The following HIVEP1 variants were observed in gnomAD, a reference collection of about 807,000 sequenced individuals.
HIVEP1 encodes the protein zinc finger protein 40.
HIVEP1 carries 36 observed loss-of-function variants against 180.0 expected under a neutral mutation model. That is an observed-to-expected ratio of 0.20 (90% CI 0.15 to 0.26). HIVEP1 has a LOEUF of 0.26. HIVEP1 is among the 10% of genes least tolerant of loss of function. The pLI is 1.00. For missense variants in HIVEP1, 3,143 were observed against 3,268.7 expected (o/e 0.96, Z 0.94); for synonymous variants, 1,239 against 1,239.0 (o/e 1.00, Z 0.00).
chr6:12,168,238 TATTA>T (rs1289941652), downstream of HIVEP1, among the ~76,000 whole-genome samples: 2 of 121,520 alleles, frequency 1.6e-5, no homozygotes, highest in Admixed American at 9.0e-5. Flanking sequence ...TATACATATA[TATTA>T]TATATACAGA....
At chr6:12,099,658 A>T (rs970720263) in intron 3 of HIVEP1, among the ~76,000 whole-genome samples, 1 of 151,376 alleles carries the variant, frequency 6.6e-6, no homozygotes, top group Non-Finnish European at 1.5e-5. Context: ...CTTCCCCTAT[A>T]CAGTTTTGCC....
the HIVEP1 span, among the ~76,000 whole-genome samples, chr6:12,172,854 A>G: frequency 6.9e-6 from 1 of 144,878 alleles, no homozygotes; most frequent in Non-Finnish European, 1.5e-5. Flanking sequence ...ATTGGGTTGT[A>G]TTGTATTCAT....
intron 2 of HIVEP1, among the ~76,000 whole-genome samples, chr6:12,071,058 C>G (rs1463696666): frequency 2.0e-5 from 3 of 152,220 alleles, no homozygotes; most frequent in Non-Finnish European, 4.4e-5. Context: ...CTATAGTGTT[C>G]TGTTCCAGCA....
chr6:12,012,851 G>A (rs1019171936), intron 1 of HIVEP1: 2 of 153,358 alleles, frequency 1.3e-5, no homozygotes, highest in African/African-American at 2.4e-5. Context: ...GCAAGAGGGT[G>A]GGGGGTGAAA....
intron 2 of HIVEP1, among the ~76,000 whole-genome samples, chr6:12,048,987 C>T (rs753971269): frequency 1.3e-5 from 2 of 152,012 alleles, no homozygotes; most frequent in Non-Finnish European, 2.9e-5. Flanking sequence ...ACTCATTGGG[C>T]ATTATGATGA....
intron 2 of HIVEP1, among the ~76,000 whole-genome samples, chr6:12,078,672 TACAC>T (rs1217123857): frequency 7.8e-6 from 1 of 128,786 alleles, no homozygotes; most frequent in African/African-American, 2.6e-5. Flanking sequence ...TACATATATA[TACAC>T]ACACTATACA....
chr6:12,144,587 A>G (rs1561997175), intron 7 of HIVEP1, among the ~76,000 whole-genome samples: 2 of 152,238 alleles, frequency 1.3e-5, no homozygotes, highest in Non-Finnish European at 1.5e-5. Context: ...TGAACAGGCA[A>G]CCTATGGAAT....
chr6:12,015,953 A>G (rs1214635149), intron 2 of HIVEP1, among the ~76,000 whole-genome samples: 1 of 152,256 alleles, frequency 6.6e-6, no homozygotes, highest in Non-Finnish European at 1.5e-5. Context: ...AATAGGAACC[A>G]TATTTGGGTC....
chr6:12,107,108 G>C (rs531179020), intron 3 of HIVEP1, among the ~76,000 whole-genome samples: 4 of 152,312 alleles, frequency 2.6e-5, no homozygotes, highest in African/African-American at 4.8e-5. Flanking sequence ...ACTGTACCTA[G>C]TGCTCCTTGA....
chr6:12,125,396 A>C lies in HIVEP1; in HGVS notation c.5601A>C (p.Leu1867Phe). The C allele has an allele frequency of 6.2e-7, 1 of 1,614,068 alleles. No homozygotes were observed. Among genetic ancestry groups the C allele is most frequent in the East Asian group, 2.2e-5 (1 of 44,884 alleles). Reference sequence around the variant, plus strand: ...AAAACATCAAGTCATCCACATCATTAACTCTTACAGTTCGAAGTTCACCTG... The same window carrying C: ...AAAACATCAAGTCATCCACATCATTCACTCTTACAGTTCGAAGTTCACCTG... ...EFENIKSSTS[L>F]TLTVRSSPAP... Residue 1867 changes from leucine to phenylalanine, a missense_variant, in exon 4 of 9, where the codon TTA (leucine) becomes TTC (phenylalanine). By Grantham distance (22) the Leu-to-Phe change is conservative. Transcript: ENST00000379388.
intron 1 of HIVEP1, among the ~76,000 whole-genome samples, chr6:12,013,824 T>A (rs1767561216): frequency 4.1e-5 from 1 of 24,382 alleles, no homozygotes; most frequent in Non-Finnish European, 1.3e-4. Flanking sequence ...AGACCATCAT[T>A]TTTTTTTGTA....
intron 2 of HIVEP1, among the ~76,000 whole-genome samples, chr6:12,079,934 A>ATCTATCTG (rs1772656589): frequency 3.6e-5 from 1 of 27,852 alleles, no homozygotes; most frequent in South Asian, 1.5e-3. Context: ...TCCTGATGGC[A>ATCTATCTG]TCTATCTATC....
At chr6:12,167,683 T>C (rs990202067), downstream of HIVEP1, among the ~76,000 whole-genome samples, 75 of 104,090 alleles carry the variant, frequency 7.2e-4, 3 homozygotes, top group Non-Finnish European at 1.2e-3. Context: ...CATATATGTG[T>C]ATAATATATA....
intron 2 of HIVEP1, among the ~76,000 whole-genome samples, chr6:12,028,550 T>A (rs1424656157): frequency 1.3e-5 from 2 of 152,266 alleles, no homozygotes; most frequent in Non-Finnish European, 2.9e-5. Flanking sequence ...TGATGAGTTA[T>A]ATATTCAGCA....
the HIVEP1 span, among the ~76,000 whole-genome samples, chr6:12,179,124 G>A: frequency 6.6e-6 from 1 of 152,194 alleles, no homozygotes; most frequent in Non-Finnish European, 1.5e-5. Context: ...AGCTCTGGAC[G>A]TCCCTGGAGA....
chr6:12,136,312 A>T (rs1758702097), intron 7 of HIVEP1, among the ~76,000 whole-genome samples: 1 of 151,592 alleles, frequency 6.6e-6, no homozygotes, highest in African/African-American at 2.4e-5. Flanking sequence ...TCACCTTTAC[A>T]CCCCTCACTT....
chr6:12,024,862 C>T (rs1045728592), intron 2 of HIVEP1, among the ~76,000 whole-genome samples: 8 of 152,232 alleles, frequency 5.3e-5, no homozygotes, highest in East Asian at 1.9e-4. Context: ...ACACATTTTA[C>T]AGCAGGAAGG....
intron 2 of HIVEP1, among the ~76,000 whole-genome samples, chr6:12,081,773 G>T (rs77514992): frequency 6.6e-6 from 1 of 151,860 alleles, no homozygotes; most frequent in South Asian, 2.1e-4. Flanking sequence ...CTGCTCCTTC[G>T]CAGTTCACTC....
In HIVEP1 at chr6:12,123,482, G is replaced by T; in HGVS notation, c.3687G>T (p.Gln1229His). 1 of 1,614,138 alleles carries T rather than the reference G, an allele frequency of 6.2e-7. No individual in the cohort carries two copies. The highest frequency in any genetic ancestry group is 1.1e-5 in the South Asian group (1 of 91,076). Residue 1229 changes from glutamine to histidine, a missense_variant, in exon 4 of 9, where the codon CAG becomes CAT. Gln to His is a conservative substitution (Grantham distance 24). Around this residue, in one of 12 missense-constraint regions of HIVEP1, gnomAD observed 1,357 missense variants for 1,260.5 expected, o/e 1.08. Coordinates refer to ENST00000379388, the MANE Select transcript of HIVEP1 (RefSeq NM_002114.4). ...VLGQPSRLVRQHNIQVPEILV... is the reference protein window; with the variant it reads ...VLGQPSRLVRHHNIQVPEILV... ...GACAGCCCTCAAGACTTGTCCGGCA[G>T]CACAACATCCAAGTTCCAGAGATTT...
Sources: gnomAD v4.1 joint callset for allele counts (sites outside exome capture counted in the v4.1 genomes callset) on GRCh38, gnomAD v4.1.1 for gene constraint, gnomAD v4.1.1 regional missense constraint, MANE v1.5 for transcripts, NCBI Gene and HGNC (gene_info 2026-07-23, HGNC 2026-07-21) for gene names.